HPSE2: variants seen among roughly 807,000 people sequenced by gnomAD.
The protein encoded by HPSE2 is heparanase 2 (inactive), also known as inactive heparanase-2.
HPSE2 carries 38 observed loss-of-function variants against 60.5 expected under a neutral mutation model. That is an observed-to-expected ratio of 0.63 (90% CI 0.48 to 0.82). The LOEUF is 0.82. Ranked by LOEUF, HPSE2 falls within the 40% of genes least tolerant of loss-of-function variation. HPSE2 has a pLI of 0.00. For missense variants in HPSE2, 713 were observed against 740.4 expected, an observed-to-expected ratio of 0.96 and a Z score of 0.43; for synonymous variants, 295 against 293.2, an observed-to-expected ratio of 1.01 and a Z score of -0.06.
intron 3 of HPSE2, among the ~76,000 whole-genome samples, chr10:99,049,307 A>G (rs971496820): frequency 6.6e-5 from 10 of 152,250 alleles, no homozygotes; most frequent in African/African-American, 2.4e-4. Flanking sequence ...GCATTACAAC[A>G]TAATATTTTC....
Position 99,221,024 on chromosome 10 carries a change from T to C in HPSE2, c.448+11324A>G, listed in dbSNP as rs188099495. On this transcript the variant is annotated intron_variant, in intron 2 of 11. Transcript: ENST00000370552. ...CACGCCCAGCTAATTTTTGTATTTT[T>C]AGTAGAGACGGGGTTTCACCATGTT... 1.8e-3 allele frequency among the ~76,000 whole-genome samples: 275 copies of C among 151,766 alleles called. 3 individuals are homozygous for C. The highest frequency in any genetic ancestry group is 6.4e-3 in the African/African-American group (264 of 41,414).
At chr10:98,620,806 T>C (rs969563805) in intron 7 of HPSE2, 98 bp from the exon 8 acceptor site, 1 of 872,214 alleles carries the variant, frequency 1.1e-6, no homozygotes, top group East Asian at 2.6e-5. Context: ...TGATCTGATT[T>C]CCTGTTTTCA....
chr10:98,752,952 T>C lies in HPSE2; in HGVS notation c.611-8896A>G, dbSNP rs375427653. On this transcript the variant is annotated intron_variant, in intron 3 of 11. Coordinates refer to ENST00000370552, the MANE Select transcript of HPSE2 (RefSeq NM_021828.5). ...AATAAGCCAGGCACAGAAAGACAAA[T>C]ACTGCATGATTTTACTCATATGTGG... Among the ~76,000 whole-genome samples the C allele has an allele frequency of 7.6e-4, 115 of 152,216 alleles. 1 individual carries two copies. The highest frequency in any genetic ancestry group is 2.6e-3 in the African/African-American group (110 of 41,546).
At chr10:98,499,230 G>T (rs1941950854) in intron 9 of HPSE2, among the ~76,000 whole-genome samples, 2 of 152,080 alleles carry the variant, frequency 1.3e-5, no homozygotes, top group Admixed American at 6.6e-5. Flanking sequence ...ATGAAGGAAA[G>T]AATCTTAAGA....
chr10:98,489,613 C>A lies in HPSE2; in HGVS notation c.1466+438G>T, dbSNP rs139202580. Among the ~76,000 whole-genome samples, 5 of 152,266 alleles carry A rather than the reference C, an allele frequency of 3.3e-5. No individual in the cohort carries two copies. In the East Asian group the frequency reaches 9.6e-4, roughly 29 times the overall value. ...CATTGGTCTAGGGCTAGGTTTCTAG[C>A]GGCATATCTCTCCAGCATGCATCTT... On this transcript the variant is annotated intron_variant, in intron 10 of 11. Coordinates refer to ENST00000370552, the MANE Select transcript of HPSE2 (RefSeq NM_021828.5).
At chr10:98,696,306 A>AAC (rs1554970449) in intron 5 of HPSE2, among the ~76,000 whole-genome samples, 77 of 132,764 alleles carry the variant, frequency 5.8e-4, no homozygotes, top group Admixed American at 1.4e-3. Context: ...AAAAAAAAAA[A>AAC]AAAAAAAAAA....
At chr10:99,177,131 T>C (rs1847557068) in intron 2 of HPSE2, among the ~76,000 whole-genome samples, 1 of 150,960 alleles carries the variant, frequency 6.6e-6, no homozygotes, top group Non-Finnish European at 1.5e-5. Flanking sequence ...GCACTAAATA[T>C]GGAAAGGAAA....
the HPSE2 span, among the ~76,000 whole-genome samples, chr10:99,246,832 C>A: frequency 6.6e-6 from 1 of 152,094 alleles, no homozygotes; most frequent in African/African-American, 2.4e-5. Context: ...TAAAATATTT[C>A]ATACTGTTTT....
At position 99,016,798 on chromosome 10, in the gene HPSE2, C is replaced by A. The variant is rs745849530; in HGVS notation, c.610+127440G>T. Among the ~76,000 whole-genome samples, 100 of 151,774 alleles carry A rather than the reference C, an allele frequency of 6.6e-4. 1 individual carries two copies. Among genetic ancestry groups the A allele is most frequent in the Non-Finnish European group, 1.5e-4 (10 of 67,902 alleles). On this transcript the variant is annotated intron_variant, in intron 3 of 11. Coordinates refer to ENST00000370552, the MANE Select transcript of HPSE2 (RefSeq NM_021828.5). Reference sequence around the variant, plus strand: ...TTTGTGTGTGTGTGTGTGGCAATTGCGAATGTGAGTTCATTCCTGACTTGG... The same window carrying A: ...TTTGTGTGTGTGTGTGTGGCAATTGAGAATGTGAGTTCATTCCTGACTTGG...
chr10:98,559,723 A>G (rs971087410), intron 9 of HPSE2, among the ~76,000 whole-genome samples: 1 of 152,224 alleles, frequency 6.6e-6, no homozygotes, highest in Non-Finnish European at 1.5e-5. Flanking sequence ...GATGAGAAGT[A>G]AAGACAGCCT....
chr10:98,983,684 C>A (rs569305654), intron 3 of HPSE2, among the ~76,000 whole-genome samples: 52 of 152,326 alleles, frequency 3.4e-4, no homozygotes, highest in African/African-American at 1.2e-3. Flanking sequence ...TGAGCCAAAG[C>A]AGGGCAAGGC....
At chr10:99,032,076 A>G (rs994360614) in intron 3 of HPSE2, among the ~76,000 whole-genome samples, 6 of 152,214 alleles carry the variant, frequency 3.9e-5, no homozygotes, top group Non-Finnish European at 8.8e-5. Context: ...ATATAAGCAC[A>G]ATAATCTCAA....
chr10:98,508,792 T>C (rs1942288812), intron 9 of HPSE2, among the ~76,000 whole-genome samples: 1 of 152,106 alleles, frequency 6.6e-6, no homozygotes, highest in Non-Finnish European at 1.5e-5. Context: ...TTTGGTGTGT[T>C]TGAGAATTTG....
intron 3 of HPSE2, among the ~76,000 whole-genome samples, chr10:98,796,550 C>A (rs1348347485): frequency 6.6e-6 from 1 of 152,168 alleles, no homozygotes; most frequent in East Asian, 1.9e-4. Context: ...TGACTCCAAT[C>A]CCCGGCTCCA....
intron 3 of HPSE2, among the ~76,000 whole-genome samples, chr10:99,136,425 G>C (rs947491191): frequency 3.9e-5 from 6 of 152,106 alleles, no homozygotes; most frequent in Non-Finnish European, 7.4e-5. Flanking sequence ...AAGCCTGGCA[G>C]AGACACAACA....
At chr10:98,905,442 A>C (rs1953788299) in intron 3 of HPSE2, among the ~76,000 whole-genome samples, 2 of 152,070 alleles carry the variant, frequency 1.3e-5, no homozygotes, top group South Asian at 4.2e-4. Flanking sequence ...AGAAACTGAC[A>C]GATGAGAGTT....
intron 3 of HPSE2, among the ~76,000 whole-genome samples, chr10:98,763,679 A>T (rs1293102039): frequency 6.6e-6 from 1 of 151,966 alleles, no homozygotes; most frequent in Non-Finnish European, 1.5e-5. Context: ...AACTATGGAG[A>T]TCAGAAGAAA....
At chr10:99,303,375 C>A in the HPSE2 span, among the ~76,000 whole-genome samples, 5 of 152,094 alleles carry the variant, frequency 3.3e-5, no homozygotes, top group African/African-American at 1.2e-4. Flanking sequence ...AGAATGAGCA[C>A]CCATATTATC....
At chr10:98,483,572 C>CACCT (rs1419230489) in intron 10 of HPSE2, among the ~76,000 whole-genome samples, 5 of 152,206 alleles carry the variant, frequency 3.3e-5, no homozygotes, top group African/African-American at 1.2e-4. Context: ...CCCAGTGGTG[C>CACCT]ACCTCCCTGT....
Sources: allele counts gnomAD v4.1 joint callset (sites outside exome capture counted in the v4.1 genomes callset), GRCh38; gene constraint gnomAD v4.1.1; transcripts MANE v1.5; gene names NCBI Gene and HGNC (gene_info 2026-07-23, HGNC 2026-07-21).